Variants in PCDH15 observed in about 807,000 individuals in gnomAD.
PCDH15 encodes the protein protocadherin-15.
PCDH15 carries 129 observed loss-of-function variants against 178.5 expected under a neutral mutation model. That is an observed-to-expected ratio of 0.72 (90% CI 0.63 to 0.84). The LOEUF (loss-of-function observed/expected upper bound fraction) is 0.84. Among genes scored for constraint, PCDH15 ranks in the 40% least tolerant of loss-of-function variants. The pLI is 0.00. For synonymous variants in PCDH15, 800 were observed against 732.0 expected (o/e 1.09, Z -1.50); for missense variants, 2,230 against 2,099.9 (o/e 1.06, Z -1.21).
intron 2 of PCDH15, among the ~76,000 whole-genome samples, chr10:54,944,042 C>A (rs893681072): frequency 2.0e-5 from 3 of 151,856 alleles, no homozygotes; most frequent in Admixed American, 6.6e-5. Context: ...GTCTAAATTT[C>A]TAAGAACATA....
rs113740842 is a variant in PCDH15, at chr10:55,154,689, G to T, written c.-80+11887C>A. ...ACCACTCTGAGGAATATGCATAGTGGATAATTGGGTGGAATCATAAAAGGG... is the reference window on the plus strand; with the variant it reads ...ACCACTCTGAGGAATATGCATAGTGTATAATTGGGTGGAATCATAAAAGGG... On this transcript the variant is annotated intron_variant, in intron 2 of 5. Coordinates refer to the PCDH15 transcript ENST00000458638. Among the ~76,000 whole-genome samples, 943 of 152,218 alleles carry T rather than the reference G, an allele frequency of 6.2e-3. 10 individuals are homozygous for T. The highest frequency in any genetic ancestry group is 7.7e-3 in the Non-Finnish European group (522 of 68,018).
intron 2 of PCDH15, among the ~76,000 whole-genome samples, chr10:55,113,331 G>A (rs1209367039): frequency 6.6e-6 from 1 of 150,924 alleles, no homozygotes; most frequent in Admixed American, 6.6e-5. Context: ...ACTATACTTA[G>A]TTATCATATC....
At chr10:54,221,555 G>C (rs1410589708) in intron 9 of PCDH15, among the ~76,000 whole-genome samples, 4 of 150,418 alleles carry the variant, frequency 2.7e-5, no homozygotes, top group Admixed American at 1.3e-4. Flanking sequence ...ATCACTTTCT[G>C]TCTGTCAGCA....
chr10:53,823,788 G>A (rs773258823), intron 32 of PCDH15: 18 of 456,762 alleles, frequency 3.9e-5, no homozygotes, highest in Non-Finnish European at 6.6e-5. Flanking sequence ...AGCTGTATCT[G>A]ATTCAGTACT....
chr10:53,906,845 G>T (rs549571713), intron 25 of PCDH15: 1 of 150,464 alleles, frequency 6.6e-6, no homozygotes, highest in East Asian at 1.9e-4. Flanking sequence ...AACCCACTAG[G>T]CTTAAGAATC....
chr10:54,726,840 C>A (rs2384525), intron 1 of PCDH15, among the ~76,000 whole-genome samples: 19,862 of 145,962 alleles, frequency 0.14, 1,404 homozygotes, highest in East Asian at 0.25. Flanking sequence ...TCAACTCATT[C>A]GGATTAAAAA....
At chr10:54,319,590 G>A (rs2061468235) in intron 7 of PCDH15, among the ~76,000 whole-genome samples, 1 of 152,150 alleles carries the variant, frequency 6.6e-6, no homozygotes, top group Non-Finnish European at 1.5e-5. Context: ...ACTGGATAGA[G>A]GCGGTGGTTG....
At chr10:55,452,206 G>T (rs1839450802) in intron 2 of PCDH15, among the ~76,000 whole-genome samples, 1 of 148,210 alleles carries the variant, frequency 6.7e-6, no homozygotes, top group South Asian at 2.2e-4. Flanking sequence ...AAGTACCTTT[G>T]AAACTGCATT....
chr10:54,186,155 G>A (rs892262075), intron 11 of PCDH15, among the ~76,000 whole-genome samples: 7 of 151,946 alleles, frequency 4.6e-5, no homozygotes, highest in Non-Finnish European at 8.8e-5. Flanking sequence ...TCAGAGAGTG[G>A]ACTATTATGA....
chr10:55,452,902 T>A (rs1048413047), intron 2 of PCDH15, among the ~76,000 whole-genome samples: 7 of 152,150 alleles, frequency 4.6e-5, no homozygotes, highest in African/African-American at 1.7e-4. Context: ...ATTTCTTAAA[T>A]ATTAAATGCA....
chr10:54,247,675 T>A (rs74867270), intron 8 of PCDH15, among the ~76,000 whole-genome samples: 2,127 of 151,788 alleles, frequency 0.014, 56 homozygotes, highest in African/African-American at 0.048. Flanking sequence ...GTCATAAACA[T>A]TCCAATAGAA....
At chr10:55,485,074 A>C (rs1304550926) in intron 2 of PCDH15, among the ~76,000 whole-genome samples, 1 of 151,790 alleles carries the variant, frequency 6.6e-6, no homozygotes. Flanking sequence ...CCAGCAAAGG[A>C]AACAATCATC....
intron 3 of PCDH15, among the ~76,000 whole-genome samples, chr10:54,490,113 G>A (rs1218040484): frequency 6.6e-6 from 1 of 152,168 alleles, no homozygotes; most frequent in African/African-American, 2.4e-5. Context: ...AAGCATGGCT[G>A]TCAATGCATC....
intron 1 of PCDH15, among the ~76,000 whole-genome samples, chr10:54,712,964 T>C (rs1378297102): frequency 6.6e-6 from 1 of 152,064 alleles, no homozygotes; most frequent in African/African-American, 2.4e-5. Flanking sequence ...TAGAAAACGT[T>C]GGCACAGATG....
chr10:53,825,731 CTT>C (rs2076633760), intron 32 of PCDH15, among the ~76,000 whole-genome samples: 1 of 151,318 alleles, frequency 6.6e-6, no homozygotes, highest in Admixed American at 6.6e-5. Context: ...TTTCTAGTAA[CTT>C]AATGCTTAGA....
At chr10:54,517,490 C>T (rs2082356019) in intron 3 of PCDH15, among the ~76,000 whole-genome samples, 1 of 152,058 alleles carries the variant, frequency 6.6e-6, no homozygotes, top group African/African-American at 2.4e-5. Context: ...GTAAAGGGAT[C>T]AATTCAACAA....
intron 13 of PCDH15, among the ~76,000 whole-genome samples, chr10:54,174,298 C>G (rs948334029): frequency 6.6e-5 from 10 of 151,360 alleles, no homozygotes; most frequent in African/African-American, 2.4e-4. Flanking sequence ...TTTGGGAGGC[C>G]GAGGCAGGCA....
chr10:54,169,684 A>G (rs912069218), intron 13 of PCDH15, among the ~76,000 whole-genome samples: 1 of 151,518 alleles, frequency 6.6e-6, no homozygotes, highest in East Asian at 1.9e-4. Flanking sequence ...TTGGCGACCA[A>G]TCATGCACCC....
intron 2 of PCDH15, among the ~76,000 whole-genome samples, chr10:54,621,531 CATACAAT>C (rs2093347606): frequency 6.6e-6 from 1 of 152,010 alleles, no homozygotes; most frequent in Non-Finnish European, 1.5e-5. Flanking sequence ...CTCAATTTTT[CATACAAT>C]ATAAAATGTC....
Sources: allele counts gnomAD v4.1 joint callset (sites outside exome capture counted in the v4.1 genomes callset), GRCh38; gene constraint gnomAD v4.1.1; transcripts MANE v1.5; gene names NCBI Gene and HGNC (gene_info 2026-07-23, HGNC 2026-07-21).